The following CFAP263 variants were observed in gnomAD, a reference collection of about 807,000 sequenced individuals.
The protein encoded by CFAP263 is cilia- and flagella-associated protein 263.
At chr16:58,262,216 C>T in the CFAP263 span, among the ~76,000 whole-genome samples, 16 of 152,124 alleles carry the variant, frequency 1.1e-4, no homozygotes, top group South Asian at 2.1e-4. Flanking sequence ...AATCTCTACA[C>T]CCAGTGCCTA....
the CFAP263 span, among the ~76,000 whole-genome samples, chr16:58,277,054 G>A: frequency 6.6e-6 from 1 of 152,118 alleles, no homozygotes; most frequent in East Asian, 1.9e-4. Flanking sequence ...TTGCCACAGT[G>A]TACCATTTGA....
At chr16:58,268,272 G>C in the CFAP263 span, among the ~76,000 whole-genome samples, 1 of 152,190 alleles carries the variant, frequency 6.6e-6, no homozygotes, top group African/African-American at 2.4e-5. Context: ...TTACTTTGCT[G>C]AGCATTGATA....
chr16:58,251,010 A>G, the CFAP263 span, among the ~76,000 whole-genome samples: 1 of 152,218 alleles, frequency 6.6e-6, no homozygotes, highest in Non-Finnish European at 1.5e-5. Context: ...AGTTAAGATT[A>G]GTTGTACAAC....
At chr16:58,252,817 A>G in the CFAP263 span, 21 of 1,613,968 alleles carry the variant, frequency 1.3e-5, no homozygotes, top group Non-Finnish European at 1.8e-5. Context: ...CTCCACGATT[A>G]TCAGAAATTA....
chr16:58,275,344 A>C, the CFAP263 span, among the ~76,000 whole-genome samples: 1 of 152,140 alleles, frequency 6.6e-6, no homozygotes, highest in Admixed American at 6.5e-5. Flanking sequence ...ACAATACCAT[A>C]TTGGGAAGAT....
the CFAP263 span, chr16:58,252,709 A>G: frequency 6.2e-7 from 1 of 1,609,876 alleles, no homozygotes; most frequent in African/African-American, 1.3e-5. Context: ...GAACTTACTC[A>G]GGTACCCTGT....
At chr16:58,266,839 G>A in the CFAP263 span, among the ~76,000 whole-genome samples, 140 of 152,078 alleles carry the variant, frequency 9.2e-4, no homozygotes, top group African/African-American at 3.1e-3. Flanking sequence ...CTGTGCTCCT[G>A]CAGGACTCCT....
chr16:58,272,258 T>C, the CFAP263 span, among the ~76,000 whole-genome samples: 21,653 of 151,976 alleles, frequency 0.14, 1,636 homozygotes, highest in East Asian at 0.2. Context: ...CCTCGTGATC[T>C]GCCCGCCTCA....
At chr16:58,268,062 A>AGAGAGAGAAT in the CFAP263 span, among the ~76,000 whole-genome samples, 920 of 150,850 alleles carry the variant, frequency 6.1e-3, 12 homozygotes, top group African/African-American at 0.016. Flanking sequence ...AGAGAGAGAG[A>AGAGAGAGAAT]GGTCATAACC....
chr16:58,267,613 C>A, the CFAP263 span: 1 of 1,389,156 alleles, frequency 7.2e-7, no homozygotes, highest in Non-Finnish European at 1.0e-6. Context: ...TGTGGTATTT[C>A]TGATGTTTGT....
the CFAP263 span, among the ~76,000 whole-genome samples, chr16:58,276,945 A>G: frequency 6.6e-6 from 1 of 152,198 alleles, no homozygotes; most frequent in Non-Finnish European, 1.5e-5. Context: ...ACATGTTTGT[A>G]TAAGCCTAGA....
chr16:58,264,752 C>T, the CFAP263 span, among the ~76,000 whole-genome samples: 1 of 152,200 alleles, frequency 6.6e-6, no homozygotes, highest in South Asian at 2.1e-4. Flanking sequence ...CAGGAGGGGC[C>T]ACTTTGATAT....
At chr16:58,252,948 A>C in the CFAP263 span, 1 of 1,252,592 alleles carries the variant, frequency 8.0e-7, no homozygotes, top group Non-Finnish European at 1.2e-6. Context: ...CTCTGTGGCC[A>C]ATTGACCATG....
At chr16:58,251,552 C>A in the CFAP263 span, among the ~76,000 whole-genome samples, 1 of 152,080 alleles carries the variant, frequency 6.6e-6, no homozygotes, top group Non-Finnish European at 1.5e-5. Context: ...CCACCACACC[C>A]AGCTAATTCT....
At chr16:58,258,310 A>G in the CFAP263 span, 266,627 of 1,532,530 alleles carry the variant, frequency 0.17, 26,689 homozygotes, top group East Asian at 0.35. Flanking sequence ...TTTTCTTAGA[A>G]GACACATCCT....
chr16:58,251,867 G>A, the CFAP263 span, among the ~76,000 whole-genome samples: 197 of 152,314 alleles, frequency 1.3e-3, no homozygotes, highest in African/African-American at 4.4e-3. Context: ...ACACACGTAT[G>A]AGAAGTTAAG....
the CFAP263 span, among the ~76,000 whole-genome samples, chr16:58,265,657 G>A: frequency 0.012 from 1,766 of 152,308 alleles, 16 homozygotes; most frequent in Non-Finnish European, 0.017. Flanking sequence ...CACACTGTGC[G>A]CAGACTTCCG....
the CFAP263 span, among the ~76,000 whole-genome samples, chr16:58,277,190 G>A: frequency 7.3e-5 from 11 of 151,376 alleles, no homozygotes; most frequent in South Asian, 2.1e-4. Context: ...GTGCAGCGTC[G>A]TGATCTCGGC....
chr16:58,282,087 CA>C, the CFAP263 span: 2 of 150,902 alleles, frequency 1.3e-5, no homozygotes, highest in African/African-American at 4.9e-5. Flanking sequence ...CGGCTCGCTG[CA>C]ACCTCCTCCT....
Sources: allele counts gnomAD v4.1 joint callset (sites outside exome capture counted in the v4.1 genomes callset), GRCh38; gene constraint gnomAD v4.1.1; transcripts MANE v1.5; gene names NCBI Gene and HGNC (gene_info 2026-07-23, HGNC 2026-07-21).